Variants in OGFOD1 observed in about 807,000 individuals in gnomAD.
The protein encoded by OGFOD1 is prolyl 3-hydroxylase OGFOD1.
A neutral mutation model predicts 67.7 loss-of-function variants in OGFOD1; 54 were observed. That is an observed-to-expected ratio of 0.80 (90% CI 0.64 to 1.00). The LOEUF (loss-of-function observed/expected upper bound fraction) is 1.00. Ranked by LOEUF, OGFOD1 falls within the 50% of genes least tolerant of loss-of-function variation. OGFOD1 has a pLI of 0.00. For missense variants in OGFOD1, 606 were observed against 646.7 expected (o/e 0.94, Z 0.68); for synonymous variants, 221 against 227.0 (o/e 0.97, Z 0.24).
At chr16:56,473,434 G>A (rs1219622925) in intron 10 of OGFOD1, among the ~76,000 whole-genome samples, 5 of 152,102 alleles carry the variant, frequency 3.3e-5, no homozygotes, top group African/African-American at 4.8e-5. Context: ...CATAATAAAC[G>A]ACACATCCAT....
At chr16:56,452,458 C>A (rs1962373091) in intron 1 of OGFOD1, among the ~76,000 whole-genome samples, 1 of 152,210 alleles carries the variant, frequency 6.6e-6, no homozygotes, top group African/African-American at 2.4e-5. Context: ...TTAAATATCA[C>A]CTTAGGTGTT....
At chr16:56,457,836 C>T (rs954656033) in intron 2 of OGFOD1, among the ~76,000 whole-genome samples, 4 of 152,106 alleles carry the variant, frequency 2.6e-5, no homozygotes, top group African/African-American at 9.7e-5. Flanking sequence ...TGCACCACCA[C>T]GCCTGGCTAA....
rs1256823433 is a variant in OGFOD1 at position 56,462,622 on chromosome 16, T to C, written c.436T>C (p.Tyr146His). 2.5e-6 allele frequency: 4 copies of C among 1,600,174 alleles called. No homozygotes were observed. The highest frequency in any genetic ancestry group is 3.4e-6 in the Non-Finnish European group (4 of 1,167,670). Reference protein sequence around the residue: ...ESTIDMSCAKYEFTDALLCHD... With the variant: ...ESTIDMSCAKHEFTDALLCHD... ...AACCATTGACATGTCCTGTGCTAAA[T>C]ATGAATTCACTGGTAAGGAAGATAA... The change falls in exon 4 of 13, where the codon TAT becomes CAT. Residue 146 changes from tyrosine (Y) to histidine (H), a missense_variant. Physicochemically the swap from Tyr to His is moderately conservative, Grantham distance 83 (BLOSUM62 2). Coordinates refer to ENST00000566157, the MANE Select transcript of OGFOD1 (RefSeq NM_018233.4).
Position 56,476,304 on chromosome 16 carries a change from G to C in OGFOD1, c.*99G>C. 8.9e-7 allele frequency: 1 copy of C among 1,128,902 alleles called. No homozygotes were observed. The highest frequency in any genetic ancestry group is 1.3e-6 in the Non-Finnish European group (1 of 799,598). The allele number at this position is 1,128,902 out of a possible 1,614,324, so 69.9% of individuals were successfully genotyped here. On this transcript the variant is annotated 3_prime_UTR_variant, in exon 13 of 13. Transcript: ENST00000566157. Reference sequence around the variant, plus strand: ...GTCAAGGAGAACTACATGGTAGCTTGCCTGACAGTGTTCTTAAAACTGGTT... The same window carrying C: ...GTCAAGGAGAACTACATGGTAGCTTCCCTGACAGTGTTCTTAAAACTGGTT...
intron 2 of OGFOD1, among the ~76,000 whole-genome samples, chr16:56,456,363 G>T (rs1488869704): frequency 6.6e-6 from 1 of 152,022 alleles, no homozygotes; most frequent in African/African-American, 2.4e-5. Flanking sequence ...GCTTCTATTG[G>T]GTCTCATGGC....
chr16:56,462,806 A>G (rs577530321), intron 4 of OGFOD1, among the ~76,000 whole-genome samples, 172 bp downstream of exon 4: 2 of 152,352 alleles, frequency 1.3e-5, no homozygotes, highest in South Asian at 2.1e-4. Context: ...ATTGGAAGGC[A>G]TAAGCAGTGG....
chr16:56,459,835 G>T (rs1317657959), intron 3 of OGFOD1, among the ~76,000 whole-genome samples: 1 of 152,056 alleles, frequency 6.6e-6, no homozygotes, highest in Non-Finnish European at 1.5e-5. Flanking sequence ...TAAAGTAAAA[G>T]ATTTGGAAAA....
rs1596962794 is a variant in OGFOD1, at chr16:56,453,154, G to A, written c.155-109G>A. ...CCCAAATCTTAGACTTTAAGTATTA[G>A]GTTCCCCAAAATTCATGACCATCCC... On this transcript the variant is annotated intron_variant, in intron 1 of 12. Coordinates refer to ENST00000566157, the MANE Select transcript of OGFOD1 (RefSeq NM_018233.4). 20 of 1,120,640 alleles carry A rather than the reference G, an allele frequency of 1.8e-5. No homozygotes were observed. The East Asian group carries it at 4.9e-4, about 27-fold the overall frequency. The allele number at this position is 1,120,640 out of a possible 1,614,324, so 69.4% of individuals were successfully genotyped here.
At chr16:56,470,976 T>A (rs1333327961) in intron 10 of OGFOD1, among the ~76,000 whole-genome samples, 185 bp downstream of exon 10, 1 of 152,094 alleles carries the variant, frequency 6.6e-6, no homozygotes, top group Non-Finnish European at 1.5e-5. Flanking sequence ...AGACAGAGAT[T>A]AAATGTATAC....
rs1435977838 is a variant in OGFOD1, at chr16:56,478,856, C to A, written c.*2651C>A. 1 of 152,190 alleles carries A rather than the reference C, an allele frequency of 6.6e-6. No individual in the cohort carries two copies. Among genetic ancestry groups the A allele is most frequent in the Non-Finnish European group, 1.5e-5 (1 of 68,030 alleles). 9.4% of individuals were successfully genotyped at this position (152,190 alleles called of 1,614,324 possible). ...CCAACTCTGATGTTGCTGTCAGTTA[C>A]ATCATCTACAGCAGCACCTCTTAGA... On this transcript the variant is annotated 3_prime_UTR_variant, in exon 13 of 13. Coordinates refer to ENST00000566157, the MANE Select transcript of OGFOD1 (RefSeq NM_018233.4).
At chr16:56,467,330 A>G in intron 7 of OGFOD1, 37 bp downstream of exon 7, 1 of 1,605,694 alleles carries the variant, frequency 6.2e-7, no homozygotes, top group East Asian at 2.2e-5. Flanking sequence ...CTTAGGAGCT[A>G]TAGCATATCA....
chr16:56,470,706 G>T lies in OGFOD1; in HGVS notation c.1200G>T (p.Glu400Asp). The T allele has an allele frequency of 6.8e-6, 11 of 1,614,104 alleles. No individual in the cohort carries two copies. The highest frequency in any genetic ancestry group is 7.6e-6 in the Non-Finnish European group (9 of 1,179,996). Residue 400 changes from glutamate (E) to aspartate (D), a missense_variant, in exon 10 of 13, where the codon GAG (glutamate) becomes GAT (aspartate). Physicochemically the swap from Glu to Asp is conservative, Grantham distance 45. Transcript: ENST00000566157. The stretch of plus-strand genomic sequence containing the variant: ...CTAGCCATAGTCCTCCTGAGCCAGA[G>T]AATAATCAGATGGCCATCAGCAACA... ...EGTSHSPPEPENNQMAISNNS... is the reference protein window; with the variant it reads ...EGTSHSPPEPDNNQMAISNNS...
chr16:56,458,849 A>T (rs1432770446), intron 3 of OGFOD1: 1 of 465,312 alleles, frequency 2.1e-6, no homozygotes, highest in African/African-American at 2.0e-5. Context: ...GTAATCAAGG[A>T]AACAGAAGTT....
chr16:56,469,929 C>G (rs1449950822), intron 8 of OGFOD1, 74 bp from the exon 9 acceptor site: 4 of 1,172,396 alleles, frequency 3.4e-6, no homozygotes, highest in Admixed American at 3.5e-5. Context: ...TTTGGCAGAG[C>G]TGCTGTACCT....
chr16:56,460,461 A>C (rs1962678023), intron 3 of OGFOD1, among the ~76,000 whole-genome samples: 1 of 152,264 alleles, frequency 6.6e-6, no homozygotes, highest in Non-Finnish European at 1.5e-5. Context: ...TGCTTACAGT[A>C]TCAAGACTTT....
intron 2 of OGFOD1, among the ~76,000 whole-genome samples, chr16:56,454,307 C>T (rs1188076198): frequency 1.3e-5 from 2 of 152,144 alleles, no homozygotes; most frequent in Non-Finnish European, 2.9e-5. Context: ...AAGATCACAT[C>T]ATTGCACTCC....
chr16:56,466,176 A>G lies in OGFOD1; in HGVS notation c.473A>G (p.Glu158Gly). 6.2e-7 allele frequency: 1 copy of G among 1,614,074 alleles called. No individual in the cohort carries two copies. Among genetic ancestry groups the G allele is most frequent in the Non-Finnish European group, 8.5e-7 (1 of 1,179,944 alleles). The change falls in exon 5 of 13, where the codon GAG (glutamate) becomes GGG (glycine). Residue 158 changes from glutamate to glycine, a missense_variant. Glu to Gly is a moderately conservative substitution (Grantham distance 98). Coordinates refer to ENST00000566157, the MANE Select transcript of OGFOD1 (RefSeq NM_018233.4). Reference sequence around the variant, plus strand: ...GATGCCCTGCTGTGCCATGATGATGAGCTGGAAGGGCGCCGGATTGCCTTC... The same window carrying G: ...GATGCCCTGCTGTGCCATGATGATGGGCTGGAAGGGCGCCGGATTGCCTTC... Reference protein sequence around the residue: ...FTDALLCHDDELEGRRIAFIL... With the variant: ...FTDALLCHDDGLEGRRIAFIL...
At chr16:56,466,102 C>A in intron 4 of OGFOD1, 50 bp from the exon 5 acceptor site, 1 of 1,307,682 alleles carries the variant, frequency 7.6e-7, no homozygotes, top group South Asian at 1.2e-5. Context: ...AGTCAGGTGT[C>A]AGCTGGTCAC....
In OGFOD1 at chr16:56,478,131, C is replaced by T. The variant is rs1963557586; in HGVS notation, c.*1926C>T. 1 of 152,068 alleles carries T rather than the reference C, an allele frequency of 6.6e-6. No homozygotes were observed. The highest frequency in any genetic ancestry group is 1.5e-5 in the Non-Finnish European group (1 of 68,020). The allele number at this position is 152,068 out of a possible 1,614,324, so 9.4% of individuals were successfully genotyped here. A position where few individuals can be genotyped will look rare whatever the true frequency, so the allele number is the denominator to read the frequency against. On this transcript the variant is annotated 3_prime_UTR_variant, in exon 13 of 13. Transcript: ENST00000566157. ...TTCCCCTATGCATATGGTAACGAACCATTTTACACCATACTATTTTGGAGA... is the reference window on the plus strand; with the variant it reads ...TTCCCCTATGCATATGGTAACGAACTATTTTACACCATACTATTTTGGAGA...
Sources: allele counts gnomAD v4.1 joint callset (sites outside exome capture counted in the v4.1 genomes callset), GRCh38; gene constraint gnomAD v4.1.1; transcripts MANE v1.5; gene names NCBI Gene and HGNC (gene_info 2026-07-23, HGNC 2026-07-21).